The following FIP1L1 variants were observed in gnomAD, a reference collection of about 807,000 sequenced individuals.
FIP1L1 encodes factor interacting with PAPOLA and CPSF1.
A neutral mutation model predicts 84.6 loss-of-function variants in FIP1L1; 21 were observed. The ratio of observed to expected loss-of-function variants is 0.25; its 90% CI spans 0.18 to 0.36. FIP1L1 has a LOEUF of 0.36. Ranked by LOEUF, FIP1L1 falls within the 10% of genes least tolerant of loss-of-function variation. FIP1L1 has a pLI of 1.00. For synonymous variants in FIP1L1, 263 were observed against 242.3 expected (o/e 1.09, Z -0.80); for missense variants, 526 against 751.1 (o/e 0.70, Z 3.50).
In FIP1L1 at chr4:53,393,779, C is replaced by G. The variant is rs1184446669; in HGVS notation, c.705+2281C>G. ...TTTCCCCCCGGCCCCCCCCCCCCCC[C>G]CCGCCCCCGGCTGTGAATGTATGAG... On this transcript the variant is annotated intron_variant, in intron 9 of 17. Transcript: ENST00000337488. Among the ~76,000 whole-genome samples, 20 of 112,632 alleles carry G rather than the reference C, an allele frequency of 1.8e-4. No homozygotes were observed. In the East Asian group the frequency reaches 3.9e-3, roughly 22 times the overall value. The allele number at this position is 112,632 out of a possible 152,430, so 73.9% of individuals were successfully genotyped here. A position where few individuals can be genotyped will look rare whatever the true frequency, so the allele number is the denominator to read the frequency against.
chr4:53,429,923 C>T (rs1333304353), intron 13 of FIP1L1, among the ~76,000 whole-genome samples: 4 of 152,112 alleles, frequency 2.6e-5, no homozygotes, highest in Non-Finnish European at 1.5e-5. Flanking sequence ...ACTTTTGTAT[C>T]CTTTGAAAAT....
intron 11 of FIP1L1, among the ~76,000 whole-genome samples, chr4:53,418,058 G>A (rs1481672943): frequency 6.6e-6 from 1 of 152,172 alleles, no homozygotes; most frequent in Admixed American, 6.5e-5. Flanking sequence ...GGAAGCTGAG[G>A]TGGGTGGATC....
intron 15 of FIP1L1, among the ~76,000 whole-genome samples, chr4:53,448,640 G>T (rs764017146): frequency 6.6e-6 from 1 of 152,082 alleles, no homozygotes; most frequent in Non-Finnish European, 1.5e-5. Flanking sequence ...ACAGTAAGTG[G>T]CAGAGTCAGG....
chr4:53,444,099 C>T lies in FIP1L1; in HGVS notation c.1281C>T (p.Gly427=), dbSNP rs749531976. 11 of 1,588,918 alleles carry T rather than the reference C, an allele frequency of 6.9e-6. No individual in the cohort carries two copies. The highest frequency in any genetic ancestry group is 6.6e-5 in the South Asian group (6 of 90,608). The change falls in exon 15 of 18, where the codon GGC becomes GGT. Residue 427 remains glycine, a synonymous_variant. Transcript: ENST00000337488. The part of the protein sequence containing the change: ...DSRSARAFPY[G]NVAFPHLPGS... Reference sequence around the variant, plus strand: ...GTTCTGCACGTGCATTTCCATATGGCAATGGTAAGTAGTATTATTTAGATG... The same window carrying T: ...GTTCTGCACGTGCATTTCCATATGGTAATGGTAAGTAGTATTATTTAGATG...
chr4:53,460,550 A>G lies in FIP1L1; in HGVS notation c.*1101A>G, dbSNP rs920973331. Reference sequence around the variant, plus strand: ...TTTTAGCTGTAAATTAAAAATGGCCATAATGTACCCTTGGCAGACTTCAGC... The same window carrying G: ...TTTTAGCTGTAAATTAAAAATGGCCGTAATGTACCCTTGGCAGACTTCAGC... On this transcript the variant is annotated 3_prime_UTR_variant, in exon 18 of 18. Coordinates refer to ENST00000337488, the MANE Select transcript of FIP1L1 (RefSeq NM_030917.4). 2 of 218,488 alleles carry G rather than the reference A, an allele frequency of 9.2e-6. No individual in the cohort carries two copies. The highest frequency in any genetic ancestry group is 1.8e-5 in the Non-Finnish European group (2 of 109,800). The allele number at this position is 218,488 out of a possible 1,614,324, so 13.5% of individuals were successfully genotyped here.
chr4:53,390,235 C>T (rs1743506344), intron 6 of FIP1L1, among the ~76,000 whole-genome samples: 1 of 152,104 alleles, frequency 6.6e-6, no homozygotes, highest in African/African-American at 2.4e-5. Flanking sequence ...CCACTGCGCC[C>T]GGCCAAGGTG....
At chr4:53,412,856 T>C (rs570410273) in intron 10 of FIP1L1, among the ~76,000 whole-genome samples, 17 of 152,244 alleles carry the variant, frequency 1.1e-4, no homozygotes, top group Middle Eastern at 3.4e-3. Flanking sequence ...ATTTTTTCTT[T>C]AGTCAGTTAT....
At chr4:53,440,885 G>A (rs533881350) in intron 13 of FIP1L1, 5 of 287,828 alleles carry the variant, frequency 1.7e-5, no homozygotes, top group East Asian at 1.5e-4. Context: ...TAAAATAAAA[G>A]TTTTCTTAAA....
At chr4:53,399,625 T>G (rs1258919937) in intron 9 of FIP1L1, 105 bp from the exon 10 acceptor site, 1 of 716,028 alleles carries the variant, frequency 1.4e-6, no homozygotes, top group Admixed American at 2.6e-5. Flanking sequence ...ACATTCTTAG[T>G]GTTTAACTTC....
intron 13 of FIP1L1, among the ~76,000 whole-genome samples, chr4:53,430,892 T>A (rs929889848): frequency 6.6e-6 from 1 of 152,234 alleles, no homozygotes; most frequent in Non-Finnish European, 1.5e-5. Context: ...TAATGCTGGT[T>A]TAAGCAGTAC....
chr4:53,441,388 C>T lies in FIP1L1; in HGVS notation c.1175-1265C>T, dbSNP rs138298395. Among the ~76,000 whole-genome samples the T allele has an allele frequency of 6.5e-4, 99 of 151,944 alleles. 1 individual carries two copies. Among genetic ancestry groups the T allele is most frequent in the African/African-American group, 2.3e-3 (94 of 41,518 alleles). On this transcript the variant is annotated intron_variant, in intron 13 of 17. Coordinates refer to ENST00000337488, the MANE Select transcript of FIP1L1 (RefSeq NM_030917.4). ...AGTATACATACTTAGATGTGGAATA[C>T]AGACATTGATTATGTGTGAATGTGT...
chr4:53,396,639 C>T (rs1352099818), intron 9 of FIP1L1, among the ~76,000 whole-genome samples: 1 of 151,574 alleles, frequency 6.6e-6, no homozygotes, highest in Non-Finnish European at 1.5e-5. Flanking sequence ...CTCCTGACCT[C>T]GTGATCCACC....
chr4:53,435,473 A>G (rs917062417), intron 13 of FIP1L1, among the ~76,000 whole-genome samples: 1 of 152,204 alleles, frequency 6.6e-6, no homozygotes, highest in Non-Finnish European at 1.5e-5. Context: ...CTATTAAAAA[A>G]CATAGGTATT....
chr4:53,413,494 A>G lies in FIP1L1; in HGVS notation c.816-1121A>G, dbSNP rs117480473. Among the ~76,000 whole-genome samples, 58 of 152,106 alleles carry G rather than the reference A, an allele frequency of 3.8e-4. No homozygotes were observed. The East Asian group carries it at 0.01, about 27-fold the overall frequency. ...TGAACATCACAGGATTCTTATTCCTATTTCTCTTTCCCTATTCCATATTGC... is the reference window on the plus strand; with the variant it reads ...TGAACATCACAGGATTCTTATTCCTGTTTCTCTTTCCCTATTCCATATTGC... On this transcript the variant is annotated intron_variant, in intron 10 of 17. Transcript: ENST00000337488.
At position 53,417,567 on chromosome 4, in the gene FIP1L1, G is replaced by A. The variant is rs1192680829; in HGVS notation, c.923+2845G>A. Among the ~76,000 whole-genome samples, 22 of 149,638 alleles carry A rather than the reference G, an allele frequency of 1.5e-4. No homozygotes were observed. In the South Asian group the frequency reaches 3.2e-3, roughly 22 times the overall value. On this transcript the variant is annotated intron_variant, in intron 11 of 17. Transcript: ENST00000337488. ...TGAGGCAGGAGAATGGCTTGAACCC[G>A]GGAGGCGGAGGTTGCAGTGAGCTGA... is the stretch of plus-strand genomic sequence containing the variant.
At chr4:53,442,844 A>G in intron 14 of FIP1L1, 137 bp downstream of exon 14, 1 of 550,014 alleles carries the variant, frequency 1.8e-6, no homozygotes, top group South Asian at 2.8e-5. Flanking sequence ...GATCTATGTT[A>G]GTTACTTTTA....
At chr4:53,417,559 T>C (rs1313041935) in intron 11 of FIP1L1, among the ~76,000 whole-genome samples, 6 of 146,452 alleles carry the variant, frequency 4.1e-5, no homozygotes, top group Non-Finnish European at 8.9e-5. Flanking sequence ...GGAGAATGGC[T>C]TGAACCCGGG....
chr4:53,433,892 A>G (rs1289092674), intron 13 of FIP1L1, among the ~76,000 whole-genome samples: 3 of 150,164 alleles, frequency 2.0e-5, no homozygotes, highest in South Asian at 2.1e-4. Context: ...GAACTTTAAA[A>G]TCTTATTTAT....
intron 10 of FIP1L1, among the ~76,000 whole-genome samples, chr4:53,407,602 C>A (rs1208459258): frequency 1.4e-5 from 2 of 147,056 alleles, no homozygotes; most frequent in African/African-American, 5.4e-5. Context: ...CTAATGTTGA[C>A]AGTGGGGTGT....
Sources: allele counts gnomAD v4.1 joint callset (sites outside exome capture counted in the v4.1 genomes callset), GRCh38; gene constraint gnomAD v4.1.1; transcripts MANE v1.5; gene names NCBI Gene and HGNC (gene_info 2026-07-23, HGNC 2026-07-21).